The following LRRK2 variants were observed in gnomAD, a reference collection of about 807,000 sequenced individuals.
LRRK2 encodes the protein leucine rich repeat kinase 2, also known as leucine-rich repeat serine/threonine-protein kinase 2.
In LRRK2, 203 loss-of-function variants were observed where a neutral mutation model predicts 302.6. The ratio of observed to expected loss-of-function variants is 0.67; its 90% CI spans 0.60 to 0.75. LRRK2 has a LOEUF of 0.75. Ranked by LOEUF, LRRK2 falls within the 30% of genes least tolerant of loss-of-function variation. LRRK2 has a pLI of 0.00. For synonymous variants in LRRK2, 1,066 were observed against 1,031.9 expected, an observed-to-expected ratio of 1.03 and a Z score of -0.63; for missense variants, 2,830 against 2,951.0, an observed-to-expected ratio of 0.96 and a Z score of 0.95.
chr12:40,238,395 G>GA (rs1364236576), intron 5 of LRRK2, among the ~76,000 whole-genome samples: 2 of 152,034 alleles, frequency 1.3e-5, no homozygotes, highest in African/African-American at 4.8e-5. Flanking sequence ...TGCTATGAAA[G>GA]AAAAAATAAA....
chr12:40,321,307 C>A, intron 35 of LRRK2, 119 bp downstream of exon 35: 1 of 1,028,286 alleles, frequency 9.7e-7, no homozygotes, highest in Non-Finnish European at 1.4e-6. Flanking sequence ...TCAGAGTTTA[C>A]TTGTTTGGAA....
intron 27 of LRRK2, among the ~76,000 whole-genome samples, chr12:40,305,478 G>A (rs1052904887): frequency 1.2e-4 from 19 of 152,224 alleles, no homozygotes; most frequent in African/African-American, 4.6e-4. Context: ...CCATTTTGTG[G>A]TAAGAACTTC....
chr12:40,318,946 A>G (rs956049428), intron 33 of LRRK2, among the ~76,000 whole-genome samples: 4 of 152,124 alleles, frequency 2.6e-5, no homozygotes, highest in Non-Finnish European at 5.9e-5. Flanking sequence ...CATTGATTCA[A>G]TAAATACTGT....
chr12:40,239,168 G>A (rs1941609368), intron 5 of LRRK2, among the ~76,000 whole-genome samples: 1 of 152,162 alleles, frequency 6.6e-6, no homozygotes, highest in South Asian at 2.1e-4. Context: ...TTTCCTGGAT[G>A]AGACAATAAA....
At chr12:40,339,241 T>G (rs532744903) in intron 40 of LRRK2, among the ~76,000 whole-genome samples, 12 of 152,334 alleles carry the variant, frequency 7.9e-5, no homozygotes, top group Non-Finnish European at 1.5e-5. Flanking sequence ...GGATTTAAAT[T>G]TAACTCCATT....
chr12:40,276,534 G>A (rs1943460874), intron 16 of LRRK2, among the ~76,000 whole-genome samples: 1 of 152,168 alleles, frequency 6.6e-6, no homozygotes. Flanking sequence ...GACCTCAAGT[G>A]ATTCACTCAC....
chr12:40,367,922 A>G lies in LRRK2; in HGVS notation c.*157A>G, dbSNP rs1946928088. On this transcript the variant is annotated 3_prime_UTR_variant, in exon 51 of 51. Coordinates refer to ENST00000298910, the MANE Select transcript of LRRK2 (RefSeq NM_198578.4). ...ATTTTTAATTTAAATATATGTAAAA[A>G]TACTTACCAGTAAATGTGTATTTTA... is the stretch of plus-strand genomic sequence containing the variant. 5.6e-6 allele frequency: 3 copies of G among 532,778 alleles called. No homozygotes were observed. The highest frequency in any genetic ancestry group is 9.3e-6 in the Non-Finnish European group (3 of 321,480). 33.0% of individuals were successfully genotyped at this position (532,778 alleles called of 1,614,324 possible).
chr12:40,274,448 G>A, intron 14 of LRRK2, 135 bp from the exon 15 acceptor site: 1 of 871,518 alleles, frequency 1.1e-6, no homozygotes, highest in East Asian at 2.6e-5. Context: ...AGTAATTAAT[G>A]TTATAGAAAA....
chr12:40,303,520 A>G (rs1370147986), intron 26 of LRRK2, among the ~76,000 whole-genome samples: 1 of 152,082 alleles, frequency 6.6e-6, no homozygotes, highest in East Asian at 1.9e-4. Context: ...TGACACTAAA[A>G]TGCTGCTTGC....
chr12:40,342,099 G>A (rs148403975), intron 41 of LRRK2, among the ~76,000 whole-genome samples: 354 of 152,208 alleles, frequency 2.3e-3, no homozygotes, highest in Admixed American at 3.5e-3. Flanking sequence ...CTGTTCATGG[G>A]GTGAAAATCT....
intron 29 of LRRK2, 113 bp from the exon 30 acceptor site, chr12:40,308,993 C>G: frequency 8.3e-7 from 1 of 1,201,622 alleles, no homozygotes. Context: ...TTGTTTTTCT[C>G]TTATTAGTAT....
intron 14 of LRRK2, among the ~76,000 whole-genome samples, chr12:40,272,786 TTGAA>T (rs897098621): frequency 6.6e-6 from 1 of 152,184 alleles, no homozygotes; most frequent in African/African-American, 2.4e-5. Context: ...ACTTTTTTCT[TTGAA>T]TGGTTCAAAT....
At chr12:40,226,945 A>T (rs1940920016) in intron 2 of LRRK2, among the ~76,000 whole-genome samples, 1 of 151,964 alleles carries the variant, frequency 6.6e-6, no homozygotes, top group Non-Finnish European at 1.5e-5. Flanking sequence ...TGCTCAGGAC[A>T]GTCAGATCCT....
At chr12:40,313,838 T>C (rs1455225766) in intron 31 of LRRK2, 134 bp from the exon 32 acceptor site, 1 of 679,746 alleles carries the variant, frequency 1.5e-6, no homozygotes, top group Non-Finnish European at 2.4e-6. Flanking sequence ...TTATTATATT[T>C]TGATTTTATT....
Position 40,322,530 on chromosome 12 carries a change from A to T in LRRK2, c.5509+20A>T. The T allele has an allele frequency of 6.2e-7, 1 of 1,605,366 alleles. No homozygotes were observed. The highest frequency in any genetic ancestry group is 8.5e-7 in the Non-Finnish European group (1 of 1,172,938). ...AGGAAGGTATGTTTTGATACAACTT[A>T]CAAATGCTTTTAAGTGATCCTTCAA... On this transcript the variant is annotated intron_variant, in intron 37 of 50. Coordinates refer to ENST00000298910, the MANE Select transcript of LRRK2 (RefSeq NM_198578.4).
At position 40,271,618 on chromosome 12, in the gene LRRK2, C is replaced by A. The variant is rs137940245; in HGVS notation, c.1657-2965C>A. On this transcript the variant is annotated intron_variant, in intron 14 of 50. Coordinates refer to ENST00000298910, the MANE Select transcript of LRRK2 (RefSeq NM_198578.4). ...GCACCAATGCAATACATTACTATTTCAAGATGGAGCATTAGATAACTAAAG... is the reference window on the plus strand; with the variant it reads ...GCACCAATGCAATACATTACTATTTAAAGATGGAGCATTAGATAACTAAAG... Among the ~76,000 whole-genome samples, 549 of 152,198 alleles carry A rather than the reference C, an allele frequency of 3.6e-3. 1 individual carries two copies. The highest frequency in any genetic ancestry group is 6.1e-3 in the Non-Finnish European group (412 of 68,004).
chr12:40,305,897 T>C lies in LRRK2; in HGVS notation c.3890T>C (p.Leu1297Pro), dbSNP rs760452520. ...GGGAAATTAAGCAAAATATGGGATC[T>C]TCCTTTGGATGAACTGCATCTTAAC... ...EMGKLSKIWD[L>P]PLDELHLNFD... Residue 1297 changes from leucine to proline, a missense_variant, in exon 28 of 51, where the codon CTT becomes CCT. By Grantham distance (98) the Leu-to-Pro change is moderately conservative. This residue lies in a region of LRRK2 where 2,121 missense variants were observed against 2,148.0 expected (regional missense o/e 0.99). Coordinates refer to ENST00000298910, the MANE Select transcript of LRRK2 (RefSeq NM_198578.4). 2.5e-6 allele frequency: 4 copies of C among 1,613,448 alleles called. No homozygotes were observed. The highest frequency in any genetic ancestry group is 3.3e-5 in the Admixed American group (2 of 59,940).
chr12:40,322,064 T>TA lies in LRRK2; in HGVS notation c.5200_5201insA (p.Trp1734Ter). ...ERALRPNRMY[W>*]RQGIYLNWSP... is the part of the protein sequence containing the mutation. ...AGCACTTCGCCCAAACAGAATGTAT[T>TA]GGCGACAAGGCATTTACTTAAATTG... Residue 1734 changes from tryptophan (W) to a stop codon, truncating the protein, a stop_gained and frameshift_variant, in exon 36 of 51, where the codon TGG becomes TAGG. Coordinates refer to ENST00000298910, the MANE Select transcript of LRRK2 (RefSeq NM_198578.4). LOFTEE classifies it high-confidence loss of function. 6.2e-7 allele frequency: 1 copy of TA among 1,613,456 alleles called. No individual in the cohort carries two copies. Among genetic ancestry groups the TA allele is most frequent in the Non-Finnish European group, 8.5e-7 (1 of 1,179,510 alleles).
intron 20 of LRRK2, among the ~76,000 whole-genome samples, chr12:40,291,446 AT>A (rs1944155814): frequency 6.7e-6 from 1 of 150,146 alleles, no homozygotes; most frequent in African/African-American, 2.4e-5. Context: ...ATATATATAT[AT>A]ATAAATTTAA....
Sources: allele counts gnomAD v4.1 joint callset (sites outside exome capture counted in the v4.1 genomes callset), GRCh38; gene constraint gnomAD v4.1.1; regional missense constraint gnomAD v4.1.1; transcripts MANE v1.5; gene names NCBI Gene and HGNC (gene_info 2026-07-23, HGNC 2026-07-21).